ZNF414: variants seen among roughly 807,000 people sequenced by gnomAD.
The protein encoded by ZNF414 is zinc finger protein 414.
Under a neutral mutation model 38.3 loss-of-function variants are expected in ZNF414, and 32 were observed. The observed-to-expected ratio is 0.83, with a 90% CI of 0.63 to 1.12. The LOEUF is 1.12. Ranked by LOEUF, ZNF414 falls within the 50% of genes most tolerant of loss-of-function variation. ZNF414 has a pLI of 0.00. For synonymous variants in ZNF414, 256 were observed against 248.0 expected, an observed-to-expected ratio of 1.03 and a Z score of -0.30; for missense variants, 589 against 557.4, an observed-to-expected ratio of 1.06 and a Z score of -0.57.
chr19:8,511,624 C>T lies in ZNF414; in HGVS notation c.867G>A (p.Lys289=), dbSNP rs1336738180. ...CCCCGACCCCACACTCACCTTGGCT[C>T]TTTTTCCAGACGGCGGCGCTGGAAG... The part of the protein sequence containing the change: ...PPASSAAVWK[K]SQGAGSSPRR... The change falls in exon 5 of 8, where the codon AAG becomes AAA. Residue 289 remains lysine (K), a synonymous_variant. Coordinates refer to ENST00000393927, the MANE Select transcript of ZNF414 (RefSeq NM_001146175.2). 6.6e-6 allele frequency: 10 copies of T among 1,515,254 alleles called. No individual in the cohort carries two copies. Among genetic ancestry groups the T allele is most frequent in the Middle Eastern group, 1.8e-4 (1 of 5,672 alleles). 93.9% of individuals were successfully genotyped at this position (1,515,254 alleles called of 1,614,324 possible). A position where few individuals can be genotyped will look rare whatever the true frequency, so the allele number is the denominator to read the frequency against.
chr19:8,512,439 G>T lies in ZNF414; in HGVS notation c.478C>A (p.Gln160Lys), dbSNP rs749272052. 6.2e-7 allele frequency: 1 copy of T among 1,614,206 alleles called. No homozygotes were observed. Among genetic ancestry groups the T allele is most frequent in the Non-Finnish European group, 8.5e-7 (1 of 1,180,026 alleles). ...AGTTTGCTGTGAGCCACCAGCTCCT[G>T]CATGCTGGGGAAGGTCTCGGTGCAG... ...LSCTETFPSM[Q>K]ELVAHSKLHY... Residue 160 changes from glutamine to lysine, a missense_variant, in exon 4 of 8, where the codon CAG becomes AAG. Gln to Lys is a moderately conservative substitution (Grantham distance 53, BLOSUM62 1). Transcript: ENST00000393927.
chr19:8,510,808 G>C lies in ZNF414; in HGVS notation c.1099+43C>G, dbSNP rs1444028214. 6.7e-6 allele frequency: 10 copies of C among 1,500,008 alleles called. No homozygotes were observed. In the African/African-American group the frequency reaches 7.1e-5, roughly 11 times the overall value. The allele number at this position is 1,500,008 out of a possible 1,614,324, so 92.9% of individuals were successfully genotyped here. On this transcript the variant is annotated intron_variant, in intron 7 of 7. Transcript: ENST00000393927. ...GGGGGCGCCTGAGCCTCAGCGCCTT[G>C]GGCCCCCGCCCCCCTCTCCACCCGC...
In ZNF414 at chr19:8,510,613, CCAGCCCCCCTTCCCTG is replaced by C; in HGVS notation, c.*62_*77del. 1 of 1,452,814 alleles carries C rather than the reference CCAGCCCCCCTTCCCTG, an allele frequency of 6.9e-7. No individual in the cohort carries two copies. The allele number at this position is 1,452,814 out of a possible 1,614,324, so 90.0% of individuals were successfully genotyped here. A position where few individuals can be genotyped will look rare whatever the true frequency, so the allele number is the denominator to read the frequency against. ...CATGGCGCCTTCTTTATTGTCCACC[CCAGCCCCCCTTCCCTG>C]CAGCCCCCTCCAAATGACAAAACTA... On this transcript the variant is annotated 3_prime_UTR_variant, in exon 8 of 8. Transcript: ENST00000393927.
In ZNF414 at chr19:8,513,040, C is replaced by T. The variant is rs766401573; in HGVS notation, c.305G>A (p.Arg102His). 1.7e-5 allele frequency: 25 copies of T among 1,462,540 alleles called. No homozygotes were observed. Among genetic ancestry groups the T allele is most frequent in the Non-Finnish European group, 2.2e-5 (24 of 1,109,152 alleles). The allele number at this position is 1,462,540 out of a possible 1,614,324, so 90.6% of individuals were successfully genotyped here. A position where few individuals can be genotyped will look rare whatever the true frequency, so the allele number is the denominator to read the frequency against. ...CCATCACAGATCACCTGGAGGTGGG[C>T]GTCGTCTGGGAGGCCGCAGGTCCTC... ...TSEDLRPPRR[R>H]PPPGKQIPCS... is the part of the protein sequence containing the mutation. Residue 102 changes from arginine to histidine, a missense_variant, in exon 2 of 8, where the codon CGC becomes CAC. Coordinates refer to ENST00000393927, the MANE Select transcript of ZNF414 (RefSeq NM_001146175.2).
chr19:8,512,183 C>T, intron 4 of ZNF414: 1 of 1,428,090 alleles, frequency 7.0e-7, no homozygotes, highest in Admixed American at 2.9e-5. Context: ...GCCGGTTTTC[C>T]ACTTGGGAGG....
chr19:8,513,005 C>T (rs1426095163), intron 2 of ZNF414, 24 bp downstream of exon 2: 2 of 1,440,448 alleles, frequency 1.4e-6, no homozygotes, highest in Non-Finnish European at 9.1e-7. Context: ...CTGTGATTCC[C>T]CAGAAGACCC....
chr19:8,512,724 C>T lies in ZNF414; in HGVS notation c.317-13G>A. The T allele has an allele frequency of 6.6e-7, 1 of 1,504,126 alleles. No homozygotes were observed. Among genetic ancestry groups the T allele is most frequent in the East Asian group, 2.3e-5 (1 of 42,582 alleles). The allele number at this position is 1,504,126 out of a possible 1,614,324, so 93.2% of individuals were successfully genotyped here. A position where few individuals can be genotyped will look rare whatever the true frequency, so the allele number is the denominator to read the frequency against. The stretch of plus-strand genomic sequence containing the variant: ...GGGATTTGCTTCCCTGCAGGACGCA[C>T]AGAACAGTGGTCACTGGTCCCTTCC... On this transcript the variant is annotated splice_polypyrimidine_tract_variant and intron_variant, in intron 2 of 7. Transcript: ENST00000393927.
chr19:8,512,662 G>A lies in ZNF414; in HGVS notation c.366C>T (p.Ser122=), dbSNP rs1197952665. 2.5e-6 allele frequency: 4 copies of A among 1,587,824 alleles called. No individual in the cohort carries two copies. The highest frequency in any genetic ancestry group is 1.8e-5 in the Admixed American group (1 of 55,296). ...SSPGCCLSFP[S]VRDLAQHLRT... is the part of the protein sequence containing the mutation. ...GCAGATGCTGTGCCAGGTCACGGAC[G>A]CTGGGAAAACTGAGGCAGCAGCCAG... Residue 122 remains serine, a synonymous_variant, in exon 3 of 8, where the codon AGC becomes AGT. Coordinates refer to ENST00000393927, the MANE Select transcript of ZNF414 (RefSeq NM_001146175.2).
chr19:8,512,003 GC>G, intron 4 of ZNF414, 43 bp from the exon 5 acceptor site: 1 of 1,396,350 alleles, frequency 7.2e-7, no homozygotes, highest in East Asian at 2.6e-5. Context: ...GCCTCCAGGG[GC>G]ACCAGGGAGA....
rs1175603916 is a variant in ZNF414 at position 8,510,737 on chromosome 19, G to C, written c.1127C>G (p.Ser376Trp). 1 of 1,549,730 alleles carries C rather than the reference G, an allele frequency of 6.5e-7. No individual in the cohort carries two copies. Among genetic ancestry groups the C allele is most frequent in the Non-Finnish European group, 8.7e-7 (1 of 1,146,044 alleles). The change falls in exon 8 of 8, where the codon TCG (serine) becomes TGG (tryptophan). Residue 376 changes from serine (S) to tryptophan (W), a missense_variant. Coordinates refer to ENST00000393927, the MANE Select transcript of ZNF414 (RefSeq NM_001146175.2). ...ADPAPLAPKV[S>W]PLLSEGELPV... ...AAGCTCCCCCTCTGACAGCAGCGGC[G>C]ACACCTTGGGTGCAAGCGGGGCCGG...
At position 8,510,878 on chromosome 19, in the gene ZNF414, CGGCCGCGGG is replaced by C. The variant is rs759603808; in HGVS notation, c.1063_1071del (p.Pro355_Ala357del). 7,479 of 1,129,626 alleles carry C rather than the reference CGGCCGCGGG, an allele frequency of 6.6e-3. 55 individuals carry two copies. Among genetic ancestry groups the C allele is most frequent in the Middle Eastern group, 7.7e-3 (21 of 2,712 alleles). The allele number at this position is 1,129,626 out of a possible 1,614,324, so 70.0% of individuals were successfully genotyped here. On this transcript the variant is annotated inframe_deletion, in exon 7 of 8. Coordinates refer to ENST00000393927, the MANE Select transcript of ZNF414 (RefSeq NM_001146175.2). ...GCGGGGGCGTCGGGGCGCGGCGGCC[CGGCCGCGGG>C]GGCCGCGGGGGCGCCGGGGCGGTGG... is the stretch of plus-strand genomic sequence containing the variant.
Position 8,510,562 on chromosome 19 carries a change from G to T in ZNF414, c.*129C>A. The T allele has an allele frequency of 1.8e-6, 2 of 1,084,148 alleles. No homozygotes were observed. The highest frequency in any genetic ancestry group is 2.6e-6 in the Non-Finnish European group (2 of 772,564). The allele number at this position is 1,084,148 out of a possible 1,614,324, so 67.2% of individuals were successfully genotyped here. A position where few individuals can be genotyped will look rare whatever the true frequency, so the allele number is the denominator to read the frequency against. On this transcript the variant is annotated 3_prime_UTR_variant, in exon 8 of 8. Transcript: ENST00000393927. ...GCCCACTATGCTTTGGATGGACAAG[G>T]GATGGGAACACAGCATAGGCTGGCT...
At chr19:8,511,573 C>T (rs1197226173) in intron 5 of ZNF414, 37 bp from the exon 6 acceptor site, 2 of 1,551,008 alleles carry the variant, frequency 1.3e-6, no homozygotes, top group Non-Finnish European at 1.7e-6. Flanking sequence ...AGAGTCAGGG[C>T]GAGCCCAGCC....
chr19:8,513,193 G>T lies in ZNF414; in HGVS notation c.152C>A (p.Ala51Asp). The change falls in exon 2 of 8, where the codon GCC (alanine) becomes GAC (aspartate). Residue 51 changes from alanine (A) to aspartate (D), a missense_variant. Ala to Asp is a moderately radical substitution (Grantham distance 126, BLOSUM62 -2). Coordinates refer to ENST00000393927, the MANE Select transcript of ZNF414 (RefSeq NM_001146175.2). The part of the protein sequence containing the change: ...MSEEPGPEQA[A>D]TPPVWERGGA... ...TCCACGTTCCCACACTGGCGGTGTG[G>T]CTGCCTGCTCAGGGCCTGGCTCCTC... 6.4e-7 allele frequency: 1 copy of T among 1,564,354 alleles called. No individual in the cohort carries two copies. Among genetic ancestry groups the T allele is most frequent in the Non-Finnish European group, 8.6e-7 (1 of 1,161,194 alleles).
Position 8,510,058 on chromosome 19 carries a change from A to T in ZNF414, c.*633T>A. On this transcript the variant is annotated 3_prime_UTR_variant, in exon 8 of 8. Transcript: ENST00000393927. ...GTAATTCCAGCACTTTGGGAGTCTAAGGCGGGCGGATCATGAGGTCAGGAG... is the reference window on the plus strand; with the variant it reads ...GTAATTCCAGCACTTTGGGAGTCTATGGCGGGCGGATCATGAGGTCAGGAG... The T allele has an allele frequency of 6.6e-6, 1 of 151,682 alleles. No homozygotes were observed. Among genetic ancestry groups the T allele is most frequent in the Non-Finnish European group, 1.5e-5 (1 of 67,892 alleles). 9.4% of individuals were successfully genotyped at this position (151,682 alleles called of 1,614,324 possible).
chr19:8,512,901 T>C (rs1971938011), intron 2 of ZNF414, 128 bp downstream of exon 2: 7 of 1,286,174 alleles, frequency 5.4e-6, no homozygotes, highest in Non-Finnish European at 7.2e-6. Flanking sequence ...CAGCCTGGCA[T>C]CCACCGGCTG....
In ZNF414 at chr19:8,513,104, G is replaced by T. The variant is rs1314592211; in HGVS notation, c.241C>A (p.Pro81Thr). The change falls in exon 2 of 8, where the codon CCC becomes ACC. Residue 81 changes from proline to threonine, a missense_variant. Coordinates refer to ENST00000393927, the MANE Select transcript of ZNF414 (RefSeq NM_001146175.2). ...ACTATGCTGGTCAGGCCAGGGCTGGGTCCGGGGCCAGGCTGGCAGCTGTCT... is the reference window on the plus strand; with the variant it reads ...ACTATGCTGGTCAGGCCAGGGCTGGTTCCGGGGCCAGGCTGGCAGCTGTCT... Reference protein sequence around the residue: ...APDSCQPGPGPSPGLTSIVSG... With the variant: ...APDSCQPGPGTSPGLTSIVSG... 23 of 1,536,026 alleles carry T rather than the reference G, an allele frequency of 1.5e-5. No individual in the cohort carries two copies. The highest frequency in any genetic ancestry group is 2.0e-5 in the Non-Finnish European group (23 of 1,143,150).
In ZNF414 at chr19:8,514,024, G is replaced by A. The variant is rs753266828; in HGVS notation, c.3+20C>T. ...GTCCCCGCAGCTCCGCCGCGCCCGC[G>A]ACCCCGGTGCCGCGCTCACCATCTT... On this transcript the variant is annotated intron_variant, in intron 1 of 7. Coordinates refer to ENST00000393927, the MANE Select transcript of ZNF414 (RefSeq NM_001146175.2). 2.1e-6 allele frequency: 3 copies of A among 1,453,340 alleles called. No individual in the cohort carries two copies. In the South Asian group the frequency reaches 4.0e-5, roughly 20 times the overall value. 90.0% of individuals were successfully genotyped at this position (1,453,340 alleles called of 1,614,324 possible).
chr19:8,510,951 G>A lies in ZNF414; in HGVS notation c.999C>T (p.Ser333=). Residue 333 remains serine (S), a synonymous_variant, in exon 7 of 8, where the codon TCC becomes TCT. Transcript: ENST00000393927. ...GGGTCATGGCGGGCCGCGAGGCCGT[G>A]GAGAAGGCGCACTGCATGCACGAGT... The part of the protein sequence containing the change: ...GRYSCMQCAF[S]TASRPAMTLH... The A allele has an allele frequency of 8.0e-7, 1 of 1,248,902 alleles. No individual in the cohort carries two copies. The highest frequency in any genetic ancestry group is 1.0e-6 in the Non-Finnish European group (1 of 995,444). 77.4% of individuals were successfully genotyped at this position (1,248,902 alleles called of 1,614,324 possible). A position where few individuals can be genotyped will look rare whatever the true frequency, so the allele number is the denominator to read the frequency against.
Sources: gnomAD v4.1 joint callset for allele counts on GRCh38, gnomAD v4.1.1 for gene constraint, MANE v1.5 for transcripts, NCBI Gene and HGNC (gene_info 2026-07-23, HGNC 2026-07-21) for gene names.